TEX2: variants seen among roughly 807,000 people sequenced by gnomAD.
The protein encoded by TEX2 is testis-expressed protein 2.
Under a neutral mutation model 106.9 loss-of-function variants are expected in TEX2, and 53 were observed. That is an observed-to-expected ratio of 0.50 (90% CI 0.40 to 0.62). The LOEUF is 0.62. Ranked by LOEUF, TEX2 falls within the 20% of genes least tolerant of loss-of-function variation. The pLI is 0.00. For synonymous variants in TEX2, 523 were observed against 534.8 expected (o/e 0.98, Z 0.30); for missense variants, 1,207 against 1,379.0 (o/e 0.88, Z 1.98).
intron 8 of TEX2, among the ~76,000 whole-genome samples, chr17:64,157,689 C>T (rs2030695234): frequency 6.6e-6 from 1 of 152,246 alleles, no homozygotes; most frequent in African/African-American, 2.4e-5. Flanking sequence ...TATACACCTG[C>T]CACAGGCACA....
At chr17:64,206,928 G>A (rs1364829010) in intron 2 of TEX2, among the ~76,000 whole-genome samples, 4 of 152,036 alleles carry the variant, frequency 2.6e-5, no homozygotes, top group South Asian at 2.1e-4. Context: ...GGGAGACGGC[G>A]GAGTACCATA....
chr17:64,151,077 C>T, intron 10 of TEX2, 116 bp from the exon 11 acceptor site: 2 of 1,231,954 alleles, frequency 1.6e-6, no homozygotes, highest in South Asian at 1.5e-5. Context: ...ATGTTATTTT[C>T]TTCTGAAAAT....
intron 5 of TEX2, among the ~76,000 whole-genome samples, chr17:64,187,794 C>A (rs1329367057): frequency 6.6e-6 from 1 of 152,180 alleles, no homozygotes; most frequent in African/African-American, 2.4e-5. Context: ...CTCACTCCCC[C>A]GTGACCAACA....
chr17:64,229,401 T>G (rs10512500), intron 1 of TEX2, among the ~76,000 whole-genome samples: 4,360 of 152,364 alleles, frequency 0.029, 102 homozygotes, highest in South Asian at 0.1. Flanking sequence ...CAAGGACTTT[T>G]GTTATTCACT....
intron 7 of TEX2, among the ~76,000 whole-genome samples, chr17:64,164,187 C>A (rs2031017742): frequency 6.6e-6 from 1 of 152,126 alleles, no homozygotes; most frequent in Non-Finnish European, 1.5e-5. Context: ...CCTGTAATCC[C>A]AGCACTTTGG....
At chr17:64,172,022 C>T (rs557583690) in intron 6 of TEX2, among the ~76,000 whole-genome samples, 7 of 150,578 alleles carry the variant, frequency 4.6e-5, no homozygotes, top group South Asian at 2.1e-4. Flanking sequence ...GCTACATTTC[C>T]GATAGGCAAA....
At chr17:64,171,038 G>T in intron 7 of TEX2, 62 bp downstream of exon 7, 1 of 1,321,200 alleles carries the variant, frequency 7.6e-7, no homozygotes, top group South Asian at 1.2e-5. Flanking sequence ...AAGCCATCAT[G>T]GTACTGAATC....
chr17:64,193,554 A>AT lies in TEX2; in HGVS notation c.2176+4dup, dbSNP rs751019889. ...TGCATAAGCATTTAGCACAAACATC[A>AT]TTACCTGGTTTACCTCCAGAGACAC... On this transcript the variant is annotated splice_donor_region_variant and intron_variant, in intron 4 of 11. Coordinates refer to ENST00000584379, the MANE Select transcript of TEX2 (RefSeq NM_001288732.2). The AT allele has an allele frequency of 1.4e-6, 2 of 1,413,732 alleles. No individual in the cohort carries two copies. The highest frequency in any genetic ancestry group is 1.9e-6 in the Non-Finnish European group (2 of 1,074,910). 87.6% of individuals were successfully genotyped at this position (1,413,732 alleles called of 1,614,324 possible).
intron 1 of TEX2, among the ~76,000 whole-genome samples, chr17:64,261,734 A>G (rs1555638582): frequency 6.6e-6 from 1 of 152,198 alleles, no homozygotes; most frequent in Non-Finnish European, 1.5e-5. Context: ...CAGAAAAAAA[A>G]GAAAGAAATG....
At chr17:64,225,516 A>C (rs2033479362) in intron 1 of TEX2, among the ~76,000 whole-genome samples, 3 of 152,066 alleles carry the variant, frequency 2.0e-5, no homozygotes, top group Non-Finnish European at 4.4e-5. Flanking sequence ...TAAAAAGAAA[A>C]CCTTTCCATG....
chr17:64,158,006 G>A (rs529639776), intron 8 of TEX2, among the ~76,000 whole-genome samples: 1 of 152,174 alleles, frequency 6.6e-6, no homozygotes, highest in East Asian at 1.9e-4. Context: ...GCCCTCTGCA[G>A]GGCAGTTCCT....
At chr17:64,231,823 A>G (rs190915558) in intron 1 of TEX2, among the ~76,000 whole-genome samples, 3 of 152,374 alleles carry the variant, frequency 2.0e-5, no homozygotes, top group Non-Finnish European at 1.5e-5. Flanking sequence ...TATAATGCAG[A>G]TAATAGTGCC....
intron 10 of TEX2, 47 bp downstream of exon 10, chr17:64,152,898 A>T (rs2030423991): frequency 1.9e-6 from 3 of 1,567,306 alleles, no homozygotes; most frequent in Non-Finnish European, 2.6e-6. Flanking sequence ...TTCTGTGGCC[A>T]TGCAATAGGA....
intron 7 of TEX2, among the ~76,000 whole-genome samples, chr17:64,162,216 T>G (rs147073713): frequency 5.3e-5 from 8 of 152,344 alleles, no homozygotes; most frequent in Admixed American, 2.0e-4. Context: ...TAGAAAGAAT[T>G]AATTAGCTTG....
At chr17:64,180,213 T>C (rs901600717) in intron 5 of TEX2, among the ~76,000 whole-genome samples, 1 of 152,244 alleles carries the variant, frequency 6.6e-6, no homozygotes, top group African/African-American at 2.4e-5. Context: ...TTGTAGGTTA[T>C]ACAAGAGAAT....
At position 64,153,359 on chromosome 17, in the gene TEX2, C is replaced by T. The variant is rs1172415425; in HGVS notation, c.2931-205G>A. On this transcript the variant is annotated intron_variant, in intron 9 of 11. Coordinates refer to ENST00000584379, the MANE Select transcript of TEX2 (RefSeq NM_001288732.2). The surrounding 1 kb of genome is among the most constrained non-coding windows in gnomAD (Gnocchi z 4.1). ...CTACCTACCAGATGCCAATAGCACT[C>T]CCCCTAGTTATGACAATAAAAAATG... Among the ~76,000 whole-genome samples the T allele has an allele frequency of 7.4e-6, 1 of 134,330 alleles. No homozygotes were observed. The highest frequency in any genetic ancestry group is 2.1e-4 in the East Asian group (1 of 4,708). 88.1% of individuals were successfully genotyped at this position (134,330 alleles called of 152,430 possible).
intron 8 of TEX2, among the ~76,000 whole-genome samples, chr17:64,159,212 T>TCCCTGTGC (rs1400221281): frequency 2.0e-5 from 3 of 152,138 alleles, no homozygotes; most frequent in Admixed American, 1.3e-4. Context: ...TGCAATGGAG[T>TCCCTGTGC]CCCTGTGCCC....
intron 7 of TEX2, among the ~76,000 whole-genome samples, chr17:64,169,583 T>G (rs967772331): frequency 6.6e-6 from 1 of 152,224 alleles, no homozygotes; most frequent in African/African-American, 2.4e-5. Context: ...ATTGATGTGA[T>G]GCGAAAAACA....
At chr17:64,204,789 TAC>T (rs782493524) in intron 2 of TEX2, among the ~76,000 whole-genome samples, 12 of 152,286 alleles carry the variant, frequency 7.9e-5, no homozygotes, top group Non-Finnish European at 1.8e-4. Context: ...CTACTTTTCT[TAC>T]AGAGTTCAGA....
Sources: allele counts gnomAD v4.1 joint callset (sites outside exome capture counted in the v4.1 genomes callset), GRCh38; gene constraint gnomAD v4.1.1; non-coding constraint Gnocchi (gnomAD v3.1); transcripts MANE v1.5; gene names NCBI Gene and HGNC (gene_info 2026-07-23, HGNC 2026-07-21).